EIF4B: variants seen among roughly 807,000 people sequenced by gnomAD.
The protein encoded by EIF4B is eukaryotic translation initiation factor 4B.
Under a neutral mutation model 79.3 loss-of-function variants are expected in EIF4B, and 8 were observed. The observed-to-expected ratio is 0.10, with a 90% CI of 0.06 to 0.18. EIF4B has a LOEUF of 0.18. Among genes scored for constraint, EIF4B ranks in the 10% least tolerant of loss-of-function variants. The pLI is 1.00. For missense variants in EIF4B, 515 were observed against 792.4 expected (o/e 0.65, Z 4.20); for synonymous variants, 238 against 274.7 (o/e 0.87, Z 1.32).
chr12:53,010,787 G>C (rs144152544), intron 1 of EIF4B, among the ~76,000 whole-genome samples: 1 of 152,022 alleles, frequency 6.6e-6, no homozygotes, highest in Admixed American at 6.6e-5. Flanking sequence ...TGGCCAGGCT[G>C]GTCTCGAGCT....
In EIF4B at chr12:53,039,500, T is replaced by C. The variant is rs868748835; in HGVS notation, c.1683-130T>C. ...TAAGATTCTGAAAATCTAGAAGTAATACATCATCCAGACAACAAGGACTGT... is the reference window on the plus strand; with the variant it reads ...TAAGATTCTGAAAATCTAGAAGTAACACATCATCCAGACAACAAGGACTGT... On this transcript the variant is annotated intron_variant, in intron 13 of 14. Transcript: ENST00000262056. The C allele has an allele frequency of 1.7e-5, 22 of 1,279,720 alleles. No individual in the cohort carries two copies. The African/African-American group carries it at 3.0e-4, about 18-fold the overall frequency. 79.3% of individuals were successfully genotyped at this position (1,279,720 alleles called of 1,614,324 possible). A position where few individuals can be genotyped will look rare whatever the true frequency, so the allele number is the denominator to read the frequency against.
chr12:53,023,854 ATTAC>A (rs1943291429), intron 6 of EIF4B, among the ~76,000 whole-genome samples: 3 of 152,166 alleles, frequency 2.0e-5, no homozygotes, highest in Non-Finnish European at 4.4e-5. Flanking sequence ...AAGTGCTGGG[ATTAC>A]AGGCATGAGC....
At chr12:53,023,577 A>AT (rs1943285046) in intron 6 of EIF4B, among the ~76,000 whole-genome samples, 2 of 125,292 alleles carry the variant, frequency 1.6e-5, no homozygotes, top group South Asian at 2.8e-4. Context: ...TAAAATGTAA[A>AT]ATTTTTTTTT....
intron 8 of EIF4B, among the ~76,000 whole-genome samples, chr12:53,030,887 G>C (rs892124799): frequency 2.0e-5 from 3 of 152,142 alleles, no homozygotes; most frequent in African/African-American, 7.2e-5. Flanking sequence ...TGGAGGCTCA[G>C]ATGTGGGCCT....
intron 13 of EIF4B, 88 bp from the exon 14 acceptor site, chr12:53,039,542 T>G: frequency 3.4e-6 from 5 of 1,484,178 alleles, no homozygotes; most frequent in Middle Eastern, 1.7e-4. Flanking sequence ...GAGGTGCCTG[T>G]TCAGTGCCTT....
At chr12:53,027,547 A>G (rs1943357711) in intron 6 of EIF4B, among the ~76,000 whole-genome samples, 1 of 152,128 alleles carries the variant, frequency 6.6e-6, no homozygotes, top group South Asian at 2.1e-4. Flanking sequence ...TTTTGCATGT[A>G]AACCTCTTCT....
intron 6 of EIF4B, among the ~76,000 whole-genome samples, chr12:53,024,219 C>G (rs1312245550): frequency 6.6e-6 from 1 of 152,040 alleles, no homozygotes; most frequent in Non-Finnish European, 1.5e-5. Context: ...TTAAAATACA[C>G]AAAAGTAGAC....
rs747863409 is a variant in EIF4B, at chr12:53,033,790, G to C, written c.980-16G>C. 1.3e-6 allele frequency: 2 copies of C among 1,569,750 alleles called. No individual in the cohort carries two copies. The highest frequency in any genetic ancestry group is 1.7e-6 in the Non-Finnish European group (2 of 1,160,124). ...GGTGATTGGAAAACTATTACTTAAA[G>C]TTTCATTTAACTTAGGTCCCCCCCA... On this transcript the variant is annotated splice_polypyrimidine_tract_variant and intron_variant, in intron 8 of 14. Coordinates refer to ENST00000262056, the MANE Select transcript of EIF4B (RefSeq NM_001417.7).
intron 6 of EIF4B, among the ~76,000 whole-genome samples, chr12:53,023,189 C>T (rs894780561): frequency 7.2e-5 from 11 of 152,208 alleles, no homozygotes; most frequent in African/African-American, 2.6e-4. Flanking sequence ...AGCATGATTG[C>T]TGAGTGAAGA....
At position 53,041,506 on chromosome 12, in the gene EIF4B, G is replaced by GTTT. The variant is rs1368210102; in HGVS notation, c.*1285_*1286insTTT. The GTTT allele has an allele frequency of 2.1e-4, 12 of 58,266 alleles. No homozygotes were observed. Among genetic ancestry groups the GTTT allele is most frequent in the South Asian group, 6.6e-4 (1 of 1,516 alleles). The allele number at this position is 58,266 out of a possible 1,614,324, so 3.6% of individuals were successfully genotyped here. A position where few individuals can be genotyped will look rare whatever the true frequency, so the allele number is the denominator to read the frequency against. On this transcript the variant is annotated 3_prime_UTR_variant, in exon 15 of 15. Transcript: ENST00000262056. The stretch of plus-strand genomic sequence containing the variant: ...GGCCAGACCAATGTGTTGTTTTGTT[G>GTTT]TTGTTTTTTTAAGCTTCCCTTGAGA...
chr12:53,026,389 C>G (rs904558619), intron 6 of EIF4B, among the ~76,000 whole-genome samples: 3 of 152,138 alleles, frequency 2.0e-5, no homozygotes, highest in Non-Finnish European at 4.4e-5. Context: ...TTAGGGTCCT[C>G]TGATACTGAA....
At chr12:53,014,428 A>G (rs911570756) in intron 1 of EIF4B, among the ~76,000 whole-genome samples, 109 of 151,844 alleles carry the variant, frequency 7.2e-4, no homozygotes, top group South Asian at 1.2e-3. Flanking sequence ...AAAAAAAAAA[A>G]GCGTAGGATG....
intron 2 of EIF4B, 131 bp from the exon 3 acceptor site, chr12:53,018,667 C>A: frequency 1.1e-6 from 1 of 899,182 alleles, no homozygotes; most frequent in Admixed American, 2.6e-5. Flanking sequence ...TATTACTGAA[C>A]CCCCACTTTT....
intron 12 of EIF4B, chr12:53,038,928 C>T (rs904511018): frequency 7.0e-5 from 16 of 229,456 alleles, no homozygotes; most frequent in African/African-American, 1.1e-4. Context: ...ATTTCTTTGA[C>T]GGGGAGAAAA....
chr12:53,022,281 A>G, intron 5 of EIF4B: 2 of 739,630 alleles, frequency 2.7e-6, no homozygotes, highest in Non-Finnish European at 4.7e-6. Flanking sequence ...AGAATTTGAG[A>G]TAGCTAAGCA....
At chr12:53,007,824 C>G (rs1055285145) in intron 1 of EIF4B, among the ~76,000 whole-genome samples, 1 of 152,184 alleles carries the variant, frequency 6.6e-6, no homozygotes, top group African/African-American at 2.4e-5. Flanking sequence ...TAACGCTTGA[C>G]AGTTGACCAA....
Position 53,016,590 on chromosome 12 carries a change from C to T in EIF4B, c.131C>T (p.Thr44Met), listed in dbSNP as rs986029969. The stretch of plus-strand genomic sequence containing the variant: ...AAACCAGTCAGCTGGGCTGATGAAA[C>T]GGATGACCTGGAAGGAGATGGTAAC... ...VSKPVSWADETDDLEGDVSTT... is the reference protein window; with the variant it reads ...VSKPVSWADEMDDLEGDVSTT... Residue 44 changes from threonine to methionine, a missense_variant, in exon 2 of 15, where the codon ACG becomes ATG. Physicochemically the swap from Thr to Met is moderately conservative, Grantham distance 81. This residue lies in a region of EIF4B where 105 missense variants were observed against 177.2 expected (regional missense o/e 0.59). Transcript: ENST00000262056. The T allele has an allele frequency of 1.9e-6, 3 of 1,598,712 alleles. No individual in the cohort carries two copies. The highest frequency in any genetic ancestry group is 1.1e-5 in the South Asian group (1 of 88,206).
At chr12:53,014,394 C>T (rs939817368) in intron 1 of EIF4B, among the ~76,000 whole-genome samples, 1 of 136,796 alleles carries the variant, frequency 7.3e-6, no homozygotes, top group Admixed American at 7.9e-5. Context: ...GCCTGTATGA[C>T]AAAGCGAGAC....
intron 8 of EIF4B, among the ~76,000 whole-genome samples, chr12:53,029,258 C>G (rs1943392824): frequency 6.6e-6 from 1 of 151,912 alleles, no homozygotes. Context: ...AACTGTGTTA[C>G]AAATCTAACC....
Sources: gnomAD v4.1 joint callset for allele counts (sites outside exome capture counted in the v4.1 genomes callset) on GRCh38, gnomAD v4.1.1 for gene constraint, gnomAD v4.1.1 regional missense constraint, MANE v1.5 for transcripts, NCBI Gene and HGNC (gene_info 2026-07-23, HGNC 2026-07-21) for gene names.